TOX: variants seen among roughly 807,000 people sequenced by gnomAD.
TOX encodes thymocyte selection-associated high mobility group box protein TOX.
TOX carries 11 observed loss-of-function variants against 53.7 expected under a neutral mutation model. That is an observed-to-expected ratio of 0.20 (90% CI 0.13 to 0.34). The LOEUF is 0.34. Ranked by LOEUF, TOX falls within the 10% of genes least tolerant of loss-of-function variation. The pLI is 1.00. For synonymous variants in TOX, 225 were observed against 245.3 expected (o/e 0.92, Z 0.77); for missense variants, 570 against 664.6 (o/e 0.86, Z 1.56).
intron 3 of TOX, among the ~76,000 whole-genome samples, chr8:58,890,668 C>T (rs1411370224): frequency 2.6e-5 from 4 of 151,958 alleles, no homozygotes; most frequent in Non-Finnish European, 5.9e-5. Flanking sequence ...GCATAGATAA[C>T]GTTAGGAGGA....
chr8:59,042,942 T>C (rs939415228), intron 1 of TOX, among the ~76,000 whole-genome samples: 1 of 152,110 alleles, frequency 6.6e-6, no homozygotes, highest in Non-Finnish European at 1.5e-5. Context: ...TTTTTCGTGA[T>C]GAGAACATCT....
intron 3 of TOX, among the ~76,000 whole-genome samples, chr8:58,869,882 GA>G (rs138317126): frequency 1.6e-3 from 232 of 146,954 alleles, no homozygotes; most frequent in African/African-American, 3.0e-3. Flanking sequence ...CACCATGCAT[GA>G]AAAAAAAAAC....
At chr8:58,988,748 A>G (rs1014375047) in intron 1 of TOX, among the ~76,000 whole-genome samples, 1 of 152,226 alleles carries the variant, frequency 6.6e-6, no homozygotes, top group Non-Finnish European at 1.5e-5. Flanking sequence ...GCCAATGTGC[A>G]CAGGAAATCT....
chr8:59,078,298 T>C (rs949695070), intron 1 of TOX, among the ~76,000 whole-genome samples: 3 of 152,178 alleles, frequency 2.0e-5, no homozygotes, highest in Non-Finnish European at 4.4e-5. Context: ...TGGGTATCTG[T>C]CCCTACCTAA....
At chr8:58,929,315 G>GTC (rs1812220248) in intron 3 of TOX, among the ~76,000 whole-genome samples, 1 of 152,060 alleles carries the variant, frequency 6.6e-6, no homozygotes, top group Non-Finnish European at 1.5e-5. Flanking sequence ...TTTAATGACT[G>GTC]TAACAAATGG....
At chr8:59,074,510 C>G (rs1804258381) in intron 1 of TOX, among the ~76,000 whole-genome samples, 1 of 151,882 alleles carries the variant, frequency 6.6e-6, no homozygotes, top group Non-Finnish European at 1.5e-5. Flanking sequence ...ATCTGGCCCC[C>G]GACGGATGAA....
At chr8:58,964,659 A>G (rs1812860717) in intron 1 of TOX, among the ~76,000 whole-genome samples, 2 of 152,220 alleles carry the variant, frequency 1.3e-5, no homozygotes, top group Non-Finnish European at 2.9e-5. Context: ...CTCTCATGTC[A>G]TGATTGAATA....
At chr8:59,031,437 G>A (rs1224348596) in intron 1 of TOX, among the ~76,000 whole-genome samples, 1 of 152,140 alleles carries the variant, frequency 6.6e-6, no homozygotes, top group Non-Finnish European at 1.5e-5. Flanking sequence ...ATACTTAACT[G>A]AGCACACGCT....
At chr8:59,069,192 A>G (rs1804148193) in intron 1 of TOX, among the ~76,000 whole-genome samples, 1 of 152,200 alleles carries the variant, frequency 6.6e-6, no homozygotes, top group African/African-American at 2.4e-5. Flanking sequence ...GTTGAAGGAT[A>G]GAGGGGTAGC....
In TOX at chr8:59,021,221, C is replaced by CT. The variant is rs958683968; in HGVS notation, c.103-61214dup. Among the ~76,000 whole-genome samples, 110 of 149,008 alleles carry CT rather than the reference C, an allele frequency of 7.4e-4. 2 individuals are homozygous for CT. Among genetic ancestry groups the CT allele is most frequent in the African/African-American group, 2.4e-3 (98 of 40,670 alleles). On this transcript the variant is annotated intron_variant, in intron 1 of 8. Transcript: ENST00000361421. ...TAACAAAGGGATAATTCATTCCAGC[C>CT]TTTTTTTTTCTATTAAAAAAAAATT...
intron 3 of TOX, among the ~76,000 whole-genome samples, chr8:58,902,928 T>C (rs1229250838): frequency 6.6e-6 from 1 of 152,260 alleles, no homozygotes; most frequent in East Asian, 1.9e-4. Flanking sequence ...ATGTCATCCC[T>C]ATTACAAAGC....
At position 59,105,357 on chromosome 8, in the gene TOX, C is replaced by CT. The variant is rs200201042; in HGVS notation, c.102+13528dup. ...AAAGTGAAATGCATTCAGCTGAGCA[C>CT]TTTTTTTTCATTTTGTAAATAGATT... On this transcript the variant is annotated intron_variant, in intron 1 of 8. Coordinates refer to ENST00000361421, the MANE Select transcript of TOX (RefSeq NM_014729.3). 5.9e-3 allele frequency among the ~76,000 whole-genome samples: 893 copies of CT among 152,004 alleles called. 9 individuals are homozygous for CT. The highest frequency in any genetic ancestry group is 0.019 in the African/African-American group (807 of 41,460).
intron 3 of TOX, among the ~76,000 whole-genome samples, chr8:58,874,434 G>A (rs1025684986): frequency 9.2e-5 from 14 of 152,028 alleles, no homozygotes; most frequent in Non-Finnish European, 1.8e-4. Context: ...CTTTGTGAGC[G>A]CTAAGGTAAC....
chr8:59,103,788 A>G (rs1225635374), intron 1 of TOX, among the ~76,000 whole-genome samples: 2 of 152,230 alleles, frequency 1.3e-5, no homozygotes, highest in East Asian at 1.9e-4. Context: ...ATGTGTATTT[A>G]CCACTAAGCA....
rs114420734 is a variant in TOX at position 58,959,294 on chromosome 8, G to A, written c.168+649C>T. Among the ~76,000 whole-genome samples, 722 of 152,322 alleles carry A rather than the reference G, an allele frequency of 4.7e-3. 3 individuals carry two copies. The highest frequency in any genetic ancestry group is 0.017 in the African/African-American group (696 of 41,584). On this transcript the variant is annotated intron_variant, in intron 2 of 8. Transcript: ENST00000361421. Reference sequence around the variant, plus strand: ...GGACTTAAGTATCTAAAAATAAATAGTCAAACATTTACTTTTATAAGTGTA... The same window carrying A: ...GGACTTAAGTATCTAAAAATAAATAATCAAACATTTACTTTTATAAGTGTA...
At chr8:59,100,543 A>G (rs1266692078) in intron 1 of TOX, among the ~76,000 whole-genome samples, 1 of 152,196 alleles carries the variant, frequency 6.6e-6, no homozygotes, top group Admixed American at 6.5e-5. Context: ...CTGGTTCCAT[A>G]CCATATTAGG....
intron 3 of TOX, among the ~76,000 whole-genome samples, chr8:58,896,908 G>A (rs1585887252): frequency 6.6e-6 from 1 of 152,090 alleles, no homozygotes; most frequent in Non-Finnish European, 1.5e-5. Flanking sequence ...CTACGTTAGG[G>A]ATAAGACATA....
chr8:58,855,536 C>G (rs1444443946), intron 3 of TOX, among the ~76,000 whole-genome samples: 1 of 152,170 alleles, frequency 6.6e-6, no homozygotes, highest in African/African-American at 2.4e-5. Context: ...TTATTTCCAT[C>G]TGCCCTTCCA....
rs376240805 is a variant in TOX, at chr8:59,055,677, T to C, written c.102+63209A>G. On this transcript the variant is annotated intron_variant, in intron 1 of 8. Coordinates refer to ENST00000361421, the MANE Select transcript of TOX (RefSeq NM_014729.3). The stretch of plus-strand genomic sequence containing the variant: ...CCTTAGTCAAAACTAAATCATTAGA[T>C]GGGTCAAATGTTTTGAAGAAAAACA... Among the ~76,000 whole-genome samples the C allele has an allele frequency of 1.1e-4, 17 of 152,334 alleles. 1 individual carries two copies. Among genetic ancestry groups the C allele is most frequent in the Admixed American group, 9.8e-4 (15 of 15,312 alleles).
Sources: allele counts gnomAD v4.1 joint callset (sites outside exome capture counted in the v4.1 genomes callset), GRCh38; gene constraint gnomAD v4.1.1; transcripts MANE v1.5; gene names NCBI Gene and HGNC (gene_info 2026-07-23, HGNC 2026-07-21).